SSH2: variants seen among roughly 807,000 people sequenced by gnomAD.
The protein encoded by SSH2 is protein phosphatase Slingshot homolog 2.
SSH2 carries 37 observed loss-of-function variants against 135.2 expected under a neutral mutation model. The ratio of observed to expected loss-of-function variants is 0.27; its 90% CI spans 0.21 to 0.36. The LOEUF (loss-of-function observed/expected upper bound fraction) is 0.36. Ranked by LOEUF, SSH2 falls within the 10% of genes least tolerant of loss-of-function variation. The pLI is 1.00. For missense variants in SSH2, 1,408 were observed against 1,765.3 expected, an observed-to-expected ratio of 0.80 and a Z score of 3.63; for synonymous variants, 628 against 646.2, an observed-to-expected ratio of 0.97 and a Z score of 0.43.
chr17:29,731,417 T>TA (rs1555622593), intron 3 of SSH2, among the ~76,000 whole-genome samples: 1 of 119,754 alleles, frequency 8.4e-6, no homozygotes, highest in African/African-American at 3.0e-5. Flanking sequence ...CAGAAGTATT[T>TA]TTTATTTATT....
intron 4 of SSH2, among the ~76,000 whole-genome samples, chr17:29,701,410 T>C (rs1413004078): frequency 1.0e-4 from 15 of 144,018 alleles, no homozygotes; most frequent in Non-Finnish European, 1.8e-4. Flanking sequence ...GGCTCTTTTT[T>C]TTTTTTTTTT....
chr17:29,880,408 T>G (rs560713732), intron 1 of SSH2, among the ~76,000 whole-genome samples: 43 of 152,332 alleles, frequency 2.8e-4, no homozygotes, highest in Middle Eastern at 3.4e-3. Flanking sequence ...CCCAAAGTGC[T>G]GGGATTACAG....
At chr17:29,837,133 T>C (rs539122245) in intron 2 of SSH2, among the ~76,000 whole-genome samples, 119 of 152,176 alleles carry the variant, frequency 7.8e-4, no homozygotes, top group Middle Eastern at 3.4e-3. Flanking sequence ...GGCAAGCACC[T>C]GTAGTCCCAG....
intron 3 of SSH2, among the ~76,000 whole-genome samples, chr17:29,747,324 G>T (rs1403978294): frequency 6.6e-6 from 1 of 152,120 alleles, no homozygotes; most frequent in Non-Finnish European, 1.5e-5. Flanking sequence ...CTTTATTTAG[G>T]AGTGATTCAA....
chr17:29,856,857 C>A lies in SSH2; in HGVS notation c.64-7928G>T, dbSNP rs115840083. Among the ~76,000 whole-genome samples, 754 of 152,246 alleles carry A rather than the reference C, an allele frequency of 5.0e-3. 12 individuals carry two copies. Among genetic ancestry groups the A allele is most frequent in the African/African-American group, 0.017 (710 of 41,550 alleles). ...ACTGCACCTATTTTTCTGCCCTTGC[C>A]TTTTAAACTTAGTATCTTTGTTTCA... On this transcript the variant is annotated intron_variant, in intron 1 of 15. Transcript: ENST00000540801.
chr17:29,757,445 A>G (rs2041162133), intron 3 of SSH2, among the ~76,000 whole-genome samples: 1 of 152,154 alleles, frequency 6.6e-6, no homozygotes, highest in East Asian at 1.9e-4. Context: ...TTAAGTTCAT[A>G]AAGTTTAGTA....
chr17:29,909,074 C>T (rs1235612865), intron 1 of SSH2, among the ~76,000 whole-genome samples: 1 of 151,346 alleles, frequency 6.6e-6, no homozygotes, highest in Non-Finnish European at 1.5e-5. Context: ...AAGACTCCGT[C>T]TCAAAGGAAA....
intron 2 of SSH2, among the ~76,000 whole-genome samples, chr17:29,840,939 A>G (rs1008923476): frequency 2.6e-5 from 4 of 152,220 alleles, no homozygotes; most frequent in African/African-American, 9.7e-5. Flanking sequence ...TGAACCTTCA[A>G]CTTGAGCTCT....
intron 3 of SSH2, among the ~76,000 whole-genome samples, chr17:29,724,647 T>C (rs2039939472): frequency 7.9e-6 from 1 of 126,172 alleles, no homozygotes; most frequent in Non-Finnish European, 1.6e-5. Context: ...TGGAGTGCAG[T>C]GGTGCATTCT....
At chr17:29,810,711 T>G (rs778140969) in intron 2 of SSH2, among the ~76,000 whole-genome samples, 1 of 152,234 alleles carries the variant, frequency 6.6e-6, no homozygotes, top group East Asian at 1.9e-4. Context: ...CACCATGCTA[T>G]TATTAGCTTA....
chr17:29,726,094 T>C (rs766481772), intron 3 of SSH2, among the ~76,000 whole-genome samples: 7 of 152,052 alleles, frequency 4.6e-5, no homozygotes, highest in Non-Finnish European at 1.0e-4. Context: ...GAGCAGAGAC[T>C]TAAATAAAAA....
chr17:29,899,027 A>G (rs2066496956), intron 1 of SSH2, among the ~76,000 whole-genome samples: 2 of 152,200 alleles, frequency 1.3e-5, no homozygotes, highest in Admixed American at 1.3e-4. Flanking sequence ...AACGACAAAA[A>G]CCACACGATT....
chr17:29,784,283 G>T (rs577083591), intron 3 of SSH2, among the ~76,000 whole-genome samples: 1 of 151,774 alleles, frequency 6.6e-6, no homozygotes, highest in Non-Finnish European at 1.5e-5. Context: ...TACTCAGGAG[G>T]CTGAGGCAGG....
At position 29,627,803 on chromosome 17, in the gene SSH2, G is replaced by A. The variant is rs893047276; in HGVS notation, c.*3038C>T. The A allele has an allele frequency of 6.6e-6, 1 of 152,492 alleles. No individual in the cohort carries two copies. Among genetic ancestry groups the A allele is most frequent in the South Asian group, 2.1e-4 (1 of 4,834 alleles). 9.4% of individuals were successfully genotyped at this position (152,492 alleles called of 1,614,324 possible). On this transcript the variant is annotated 3_prime_UTR_variant, in exon 16 of 16. Coordinates refer to ENST00000540801, the MANE Select transcript of SSH2 (RefSeq NM_001282129.2). ...TTTCTACTGACCAGGTTCAGCTCAAGTTCTGTATGCTCCTGGGGCTTTTAC... is the reference window on the plus strand; with the variant it reads ...TTTCTACTGACCAGGTTCAGCTCAAATTCTGTATGCTCCTGGGGCTTTTAC...
At chr17:29,696,966 G>T (rs2151109419) in intron 4 of SSH2, among the ~76,000 whole-genome samples, 1 of 152,150 alleles carries the variant, frequency 6.6e-6, no homozygotes. Context: ...TTACAGGCGT[G>T]AGCCACAGTG....
chr17:29,642,404 T>C (rs2150984740), intron 14 of SSH2, among the ~76,000 whole-genome samples: 1 of 152,164 alleles, frequency 6.6e-6, no homozygotes, highest in South Asian at 2.1e-4. Flanking sequence ...TGAAACCTAA[T>C]ACCACAGACA....
chr17:29,792,868 G>T (rs1298455062), intron 3 of SSH2, among the ~76,000 whole-genome samples: 1 of 152,128 alleles, frequency 6.6e-6, no homozygotes, highest in African/African-American at 2.4e-5. Flanking sequence ...TGGAGACAGG[G>T]TTTCACCGTG....
Position 29,632,113 on chromosome 17 carries a change from T to G in SSH2, c.3081A>C (p.Ala1027=). The change falls in exon 16 of 16, where the codon GCA becomes GCC. Residue 1027 remains alanine (A), a synonymous_variant. Transcript: ENST00000540801. ...VIPYQESETQ[A]VPLPLPKRVE... is the part of the protein sequence containing the mutation. ...CCCTCTTGGGAAGGGGAAGAGGGACTGCTTGTGTTTCAGACTCCTGGTATG... is the reference window on the plus strand; with the variant it reads ...CCCTCTTGGGAAGGGGAAGAGGGACGGCTTGTGTTTCAGACTCCTGGTATG... 1 of 1,614,192 alleles carries G rather than the reference T, an allele frequency of 6.2e-7. No homozygotes were observed. Among genetic ancestry groups the G allele is most frequent in the Non-Finnish European group, 8.5e-7 (1 of 1,180,026 alleles).
intron 2 of SSH2, among the ~76,000 whole-genome samples, chr17:29,840,310 G>A (rs913388778): frequency 6.6e-6 from 1 of 152,126 alleles, no homozygotes; most frequent in African/African-American, 2.4e-5. Flanking sequence ...CATGCCAGAT[G>A]TTTCAAAAAT....
Sources: gnomAD v4.1 joint callset for allele counts (sites outside exome capture counted in the v4.1 genomes callset) on GRCh38, gnomAD v4.1.1 for gene constraint, MANE v1.5 for transcripts, NCBI Gene and HGNC (gene_info 2026-07-23, HGNC 2026-07-21) for gene names.